The following XRCC4 variants were observed in gnomAD, a reference collection of about 807,000 sequenced individuals.
XRCC4 encodes the protein DNA repair protein XRCC4.
XRCC4 carries 28 observed loss-of-function variants against 39.1 expected under a neutral mutation model. That is an observed-to-expected ratio of 0.72 (90% CI 0.53 to 0.98). The LOEUF (loss-of-function observed/expected upper bound fraction) is 0.98. Among genes scored for constraint, XRCC4 ranks in the 50% least tolerant of loss-of-function variants. The pLI is 0.00. For synonymous variants in XRCC4, 123 were observed against 126.4 expected, an observed-to-expected ratio of 0.97 and a Z score of 0.18; for missense variants, 350 against 376.4, an observed-to-expected ratio of 0.93 and a Z score of 0.58.
At chr5:83,200,201 A>G (rs539920907) in intron 4 of XRCC4, among the ~76,000 whole-genome samples, 3 of 152,354 alleles carry the variant, frequency 2.0e-5, no homozygotes, top group African/African-American at 7.2e-5. Flanking sequence ...ATTATTGGAT[A>G]AAAGGATAGC....
intron 3 of XRCC4, among the ~76,000 whole-genome samples, chr5:83,185,365 TA>T (rs147693052): frequency 0.39 from 54,686 of 141,684 alleles, 10,632 homozygotes; most frequent in Non-Finnish European, 0.44. Flanking sequence ...TGCCCAGCAT[TA>T]AAAAAAAAAA....
At chr5:83,272,225 C>T (rs1754167581) in intron 7 of XRCC4, among the ~76,000 whole-genome samples, 1 of 152,116 alleles carries the variant, frequency 6.6e-6, no homozygotes, top group South Asian at 2.1e-4. Context: ...ATATTGTTGT[C>T]ACATATCAGT....
chr5:83,221,792 C>T (rs1487498398), intron 6 of XRCC4, among the ~76,000 whole-genome samples: 7 of 151,358 alleles, frequency 4.6e-5, no homozygotes, highest in African/African-American at 1.7e-4. Flanking sequence ...TATTAAATGT[C>T]CATTTAGACA....
At chr5:83,121,300 G>A (rs1746998431) in intron 3 of XRCC4, among the ~76,000 whole-genome samples, 1 of 152,118 alleles carries the variant, frequency 6.6e-6, no homozygotes, top group African/African-American at 2.4e-5. Flanking sequence ...ATATATAGGA[G>A]TAGAATAGTT....
intron 7 of XRCC4, among the ~76,000 whole-genome samples, chr5:83,315,988 T>C (rs1453054827): frequency 6.6e-6 from 1 of 152,144 alleles, no homozygotes; most frequent in African/African-American, 2.4e-5. Flanking sequence ...AAATTGAAAA[T>C]GTTCTGGAAA....
At chr5:83,156,014 T>A (rs757170740) in intron 3 of XRCC4, among the ~76,000 whole-genome samples, 3 of 114,226 alleles carry the variant, frequency 2.6e-5, no homozygotes, top group Admixed American at 7.6e-5. Context: ...AATCCTCACC[T>A]CTCATCCCCT....
rs955525165 is a variant in XRCC4, at chr5:83,318,106, C to T, written c.894-35025C>T. ...TAAACAGAGCCAAAGACAAAAACCA[C>T]ATGATTATCTCAATAGTTGCAGAAA... On this transcript the variant is annotated intron_variant, in intron 7 of 7. Coordinates refer to ENST00000396027, the MANE Select transcript of XRCC4 (RefSeq NM_003401.5). 3.9e-4 allele frequency among the ~76,000 whole-genome samples: 57 copies of T among 145,988 alleles called. 2 individuals are homozygous for T. Among genetic ancestry groups the T allele is most frequent in the African/African-American group, 1.5e-3 (53 of 36,006 alleles).
In XRCC4 at chr5:83,147,855, A is replaced by G. The variant is rs139323129; in HGVS notation, c.315+36652A>G. 6.2e-3 allele frequency among the ~76,000 whole-genome samples: 941 copies of G among 151,282 alleles called. 11 individuals are homozygous for G. Among genetic ancestry groups the G allele is most frequent in the African/African-American group, 0.022 (903 of 41,134 alleles). Reference sequence around the variant, plus strand: ...GCCCAGGCTGGGGTGCAGTGGCACGATCTTGGCTCACTGCAATCTCTGCCT... The same window carrying G: ...GCCCAGGCTGGGGTGCAGTGGCACGGTCTTGGCTCACTGCAATCTCTGCCT... On this transcript the variant is annotated intron_variant, in intron 3 of 7. Transcript: ENST00000396027.
intron 6 of XRCC4, among the ~76,000 whole-genome samples, chr5:83,212,114 A>ATGTATATATACACATATGTATGTG (rs1487975040): frequency 3.3e-5 from 5 of 152,050 alleles, no homozygotes; most frequent in Admixed American, 6.6e-5. Flanking sequence ...TTATGTGTAT[A>ATGTATATATACACATATGTATGTG]TGTATATATA....
At chr5:83,134,554 C>T (rs1160393307) in intron 3 of XRCC4, among the ~76,000 whole-genome samples, 1 of 152,136 alleles carries the variant, frequency 6.6e-6, no homozygotes, top group African/African-American at 2.4e-5. Context: ...AATCAGCTCT[C>T]TGTAAAATGG....
intron 7 of XRCC4, among the ~76,000 whole-genome samples, chr5:83,265,117 G>T (rs1326297404): frequency 6.6e-6 from 1 of 152,030 alleles, no homozygotes; most frequent in African/African-American, 2.4e-5. Context: ...CTTAAAAATT[G>T]CTAGCAATGT....
intron 7 of XRCC4, among the ~76,000 whole-genome samples, chr5:83,336,397 T>A (rs1028395630): frequency 2.0e-5 from 3 of 152,184 alleles, no homozygotes; most frequent in Non-Finnish European, 2.9e-5. Flanking sequence ...TTTTAATTTC[T>A]GTTTATGCTT....
At chr5:83,140,700 T>C (rs1236223219) in intron 3 of XRCC4, among the ~76,000 whole-genome samples, 1 of 152,248 alleles carries the variant, frequency 6.6e-6, no homozygotes. Flanking sequence ...TAGTCCTTTT[T>C]GTCTTTATGC....
At chr5:83,091,667 G>A (rs1580311) in intron 1 of XRCC4, among the ~76,000 whole-genome samples, 74,127 of 152,014 alleles carry the variant, frequency 0.49, 18,862 homozygotes, top group African/African-American at 0.62. Context: ...CTCCAATTCC[G>A]TCTGTGATGT....
At chr5:83,087,400 C>T (rs1158979899) in intron 1 of XRCC4, among the ~76,000 whole-genome samples, 2 of 152,110 alleles carry the variant, frequency 1.3e-5, no homozygotes, top group South Asian at 4.2e-4. Context: ...CAGTGGCTCA[C>T]ACTTGTAATC....
intron 3 of XRCC4, among the ~76,000 whole-genome samples, chr5:83,143,096 T>G (rs1045299612): frequency 2.6e-5 from 4 of 152,156 alleles, no homozygotes; most frequent in Admixed American, 1.3e-4. Flanking sequence ...TTCCATACTA[T>G]TTTACAGGTG....
At chr5:83,324,737 A>T (rs1756191127) in intron 7 of XRCC4, among the ~76,000 whole-genome samples, 3 of 152,126 alleles carry the variant, frequency 2.0e-5, no homozygotes, top group South Asian at 4.1e-4. Context: ...CATTCTAATG[A>T]TTAGCCCTAA....
chr5:83,285,309 G>A lies in XRCC4; in HGVS notation c.893+26632G>A, dbSNP rs575550318. ...TATGTGGGGCTGGAATTGACACTGAGGGGTGTTTCAAAGGGGGTTCTAGCC... is the reference window on the plus strand; with the variant it reads ...TATGTGGGGCTGGAATTGACACTGAAGGGTGTTTCAAAGGGGGTTCTAGCC... On this transcript the variant is annotated intron_variant, in intron 7 of 7. Coordinates refer to ENST00000396027, the MANE Select transcript of XRCC4 (RefSeq NM_003401.5). 2.0e-5 allele frequency among the ~76,000 whole-genome samples: 3 copies of A among 152,248 alleles called. No individual in the cohort carries two copies. The East Asian group carries it at 5.8e-4, about 29-fold the overall frequency.
At chr5:83,282,402 G>A (rs543527028) in intron 7 of XRCC4, among the ~76,000 whole-genome samples, 182 of 152,240 alleles carry the variant, frequency 1.2e-3, no homozygotes, top group African/African-American at 4.2e-3. Context: ...TAAAGTATAG[G>A]ATTCCATAGG....
Sources: allele counts gnomAD v4.1 joint callset (sites outside exome capture counted in the v4.1 genomes callset), GRCh38; gene constraint gnomAD v4.1.1; transcripts MANE v1.5; gene names NCBI Gene and HGNC (gene_info 2026-07-23, HGNC 2026-07-21).